Variants in ADCY2 observed in about 807,000 individuals in gnomAD.
ADCY2 encodes adenylate cyclase 2, also known as adenylate cyclase type 2.
In ADCY2, 31 loss-of-function variants were observed where a neutral mutation model predicts 125.2. The observed-to-expected ratio is 0.25, with a 90% CI of 0.19 to 0.33. The LOEUF (loss-of-function observed/expected upper bound fraction) is 0.33. Among genes scored for constraint, ADCY2 ranks in the 10% least tolerant of loss-of-function variants. The probability of loss-of-function intolerance (pLI) is 1.00; values close to 1 mark genes in which losing one functional copy is unlikely to be tolerated. For synonymous variants in ADCY2, 512 were observed against 548.4 expected (o/e 0.93, Z 0.93); for missense variants, 904 against 1,418.2 (o/e 0.64, Z 5.82).
chr5:7,772,384 C>T (rs1226047083), intron 17 of ADCY2, among the ~76,000 whole-genome samples: 2 of 152,208 alleles, frequency 1.3e-5, no homozygotes, highest in African/African-American at 4.8e-5. Flanking sequence ...ATTCATGACT[C>T]ACCCTGGTCA....
At chr5:7,820,839 G>A in intron 24 of ADCY2, 150 bp downstream of exon 24, 3 of 1,047,250 alleles carry the variant, frequency 2.9e-6, no homozygotes, top group South Asian at 2.1e-5. Flanking sequence ...CAATTTTTGG[G>A]GAAATGTCAG....
chr5:7,646,839 G>A (rs555211666), intron 4 of ADCY2, among the ~76,000 whole-genome samples: 2 of 152,268 alleles, frequency 1.3e-5, no homozygotes, highest in South Asian at 4.1e-4. Flanking sequence ...AAGGCATAGG[G>A]TGGAGAATTA....
intron 2 of ADCY2, among the ~76,000 whole-genome samples, chr5:7,514,333 T>G (rs1744179846): frequency 6.6e-6 from 1 of 152,180 alleles, no homozygotes; most frequent in Admixed American, 6.5e-5. Context: ...TCAACTCTTC[T>G]CCATTTTCAT....
At chr5:7,655,950 G>T (rs751860618) in intron 4 of ADCY2, among the ~76,000 whole-genome samples, 2 of 151,814 alleles carry the variant, frequency 1.3e-5, no homozygotes, top group Non-Finnish European at 2.9e-5. Flanking sequence ...GCTGTGTCCT[G>T]TAAAATAAGG....
At chr5:7,755,436 AGAG>A (rs142180930) in intron 15 of ADCY2, among the ~76,000 whole-genome samples, 22,634 of 151,776 alleles carry the variant, frequency 0.15, 2,318 homozygotes, top group East Asian at 0.6. Flanking sequence ...AAAGGAGTAG[AGAG>A]GAGGAGATTT....
At chr5:7,407,506 G>C (rs1419256394) in intron 1 of ADCY2, among the ~76,000 whole-genome samples, 2 of 152,124 alleles carry the variant, frequency 1.3e-5, no homozygotes, top group East Asian at 1.9e-4. Context: ...ATGGGGAACT[G>C]CCAAACACTT....
chr5:7,668,443 G>C (rs905202401), intron 4 of ADCY2, among the ~76,000 whole-genome samples: 1 of 152,152 alleles, frequency 6.6e-6, no homozygotes, highest in African/African-American at 2.4e-5. Context: ...TCTCTCAATA[G>C]ACAGATAGAC....
intron 3 of ADCY2, chr5:7,611,167 C>T (rs940502561): frequency 1.3e-5 from 2 of 152,174 alleles, no homozygotes; most frequent in Non-Finnish European, 2.9e-5. Flanking sequence ...ACTCTCTCTC[C>T]TTTAAACTGT....
chr5:7,829,033 A>G lies in ADCY2; in HGVS notation c.*2162A>G, dbSNP rs1051023507. The G allele has an allele frequency of 6.6e-6, 1 of 152,392 alleles. No homozygotes were observed. 9.4% of individuals were successfully genotyped at this position (152,392 alleles called of 1,614,324 possible). A position where few individuals can be genotyped will look rare whatever the true frequency, so the allele number is the denominator to read the frequency against. On this transcript the variant is annotated 3_prime_UTR_variant, in exon 25 of 25. Transcript: ENST00000338316. ...AGCCATATCACCAGTCTTACCAAACAATAGGCTTTTAAAAGCATTGAGTCA... is the reference window on the plus strand; with the variant it reads ...AGCCATATCACCAGTCTTACCAAACGATAGGCTTTTAAAAGCATTGAGTCA...
At chr5:7,537,253 T>C (rs1370707653) in intron 3 of ADCY2, among the ~76,000 whole-genome samples, 1 of 152,232 alleles carries the variant, frequency 6.6e-6, no homozygotes, top group Non-Finnish European at 1.5e-5. Context: ...GGACTTTTGA[T>C]TTATACATAA....
intron 5 of ADCY2, among the ~76,000 whole-genome samples, chr5:7,693,980 G>C (rs1485426277): frequency 6.6e-6 from 1 of 152,188 alleles, no homozygotes; most frequent in Non-Finnish European, 1.5e-5. Context: ...CTCAGCACCT[G>C]TGATCCCTGC....
intron 2 of ADCY2, among the ~76,000 whole-genome samples, chr5:7,445,623 A>G (rs1054030704): frequency 5.3e-5 from 8 of 152,220 alleles, no homozygotes; most frequent in Admixed American, 5.2e-4. Context: ...TTTTCCATTT[A>G]TGCATGTCTA....
At chr5:7,618,545 T>C (rs1737842944) in intron 3 of ADCY2, among the ~76,000 whole-genome samples, 1 of 152,218 alleles carries the variant, frequency 6.6e-6, no homozygotes, top group East Asian at 1.9e-4. Context: ...GACTCTCTAA[T>C]AGCCTTGGTC....
At chr5:7,532,575 A>G (rs58518504) in intron 3 of ADCY2, among the ~76,000 whole-genome samples, 55,819 of 152,022 alleles carry the variant, frequency 0.37, 10,992 homozygotes, top group Admixed American at 0.45. Context: ...GCTTTCTCCT[A>G]GCTTTTGGGT....
At chr5:7,427,779 A>G (rs765123412) in intron 2 of ADCY2, among the ~76,000 whole-genome samples, 1 of 152,164 alleles carries the variant, frequency 6.6e-6, no homozygotes, top group Non-Finnish European at 1.5e-5. Flanking sequence ...TCAACCAGTA[A>G]CAAGTACCAA....
chr5:7,734,893 T>G (rs929948488), intron 14 of ADCY2, among the ~76,000 whole-genome samples: 2 of 152,106 alleles, frequency 1.3e-5, no homozygotes, highest in African/African-American at 4.8e-5. Context: ...AGGGCTCCCT[T>G]TCAGGTTGCA....
At chr5:7,522,226 T>G (rs972421870) in intron 3 of ADCY2, 22 of 152,362 alleles carry the variant, frequency 1.4e-4, no homozygotes, top group African/African-American at 5.3e-4. Context: ...GTGTAATGGT[T>G]GTCACATTTA....
chr5:7,507,395 C>CGCGCA (rs1743871193), intron 2 of ADCY2, among the ~76,000 whole-genome samples: 1 of 116,916 alleles, frequency 8.6e-6, no homozygotes, highest in African/African-American at 3.5e-5. Context: ...GAGCCGAGAT[C>CGCGCA]ATACCACTGC....
At chr5:7,589,757 G>A (rs557317746) in intron 3 of ADCY2, among the ~76,000 whole-genome samples, 1 of 152,194 alleles carries the variant, frequency 6.6e-6, no homozygotes, top group Non-Finnish European at 1.5e-5. Flanking sequence ...GCACAGAGAT[G>A]GGCTGTTGGG....
Sources: allele counts gnomAD v4.1 joint callset (sites outside exome capture counted in the v4.1 genomes callset), GRCh38; gene constraint gnomAD v4.1.1; transcripts MANE v1.5; gene names NCBI Gene and HGNC (gene_info 2026-07-23, HGNC 2026-07-21).